Variants in CACNA1C observed in about 807,000 individuals in gnomAD.
CACNA1C encodes voltage-dependent L-type calcium channel subunit alpha-1C.
In CACNA1C, 30 loss-of-function variants were observed where a neutral mutation model predicts 229.0. The ratio of observed to expected loss-of-function variants is 0.13; its 90% CI spans 0.10 to 0.18. The LOEUF (loss-of-function observed/expected upper bound fraction) is 0.18. Ranked by LOEUF, CACNA1C falls within the 10% of genes least tolerant of loss-of-function variation. CACNA1C has a pLI of 1.00. For synonymous variants in CACNA1C, 1,114 were observed against 1,132.5 expected, an observed-to-expected ratio of 0.98 and a Z score of 0.33; for missense variants, 1,658 against 2,845.0, an observed-to-expected ratio of 0.58 and a Z score of 9.49.
chr12:2,318,961 A>C (rs1354599265), intron 3 of CACNA1C, among the ~76,000 whole-genome samples: 1 of 151,658 alleles, frequency 6.6e-6, no homozygotes, highest in East Asian at 1.9e-4. Context: ...AGGGAGGCCT[A>C]CTCCTCTAAA....
At chr12:2,582,164 A>G (rs2060752964) in intron 14 of CACNA1C, among the ~76,000 whole-genome samples, 1 of 151,960 alleles carries the variant, frequency 6.6e-6, no homozygotes, top group African/African-American at 2.4e-5. Flanking sequence ...AATCGTTCTT[A>G]TCCATGGAAT....
chr12:1,990,392 C>A (rs922523368), intron 1 of CACNA1C, among the ~76,000 whole-genome samples: 9 of 152,308 alleles, frequency 5.9e-5, no homozygotes, highest in Middle Eastern at 3.4e-3. Context: ...AATGTATAAA[C>A]CCTTTTCTGT....
At chr12:2,052,340 T>A (rs2052439884), upstream of CACNA1C, among the ~76,000 whole-genome samples, 2 of 152,006 alleles carry the variant, frequency 1.3e-5, no homozygotes, top group Admixed American at 6.5e-5. Context: ...ATCTGTCACT[T>A]CTACAACCGC....
chr12:2,112,620 C>T (rs751255537), intron 1 of CACNA1C, among the ~76,000 whole-genome samples: 3 of 152,006 alleles, frequency 2.0e-5, no homozygotes, highest in African/African-American at 4.8e-5. Flanking sequence ...GCTACAGGGG[C>T]CAGATGGCGG....
At chr12:2,380,705 A>G (rs2098218438) in intron 3 of CACNA1C, among the ~76,000 whole-genome samples, 1 of 152,236 alleles carries the variant, frequency 6.6e-6, no homozygotes, top group South Asian at 2.1e-4. Context: ...CCAGTGAGCA[A>G]TGTTAGAATT....
rs77421012 is a variant in CACNA1C at position 2,075,009 on chromosome 12, C to T, written c.49+21398C>T. Among the ~76,000 whole-genome samples, 4 of 152,190 alleles carry T rather than the reference C, an allele frequency of 2.6e-5. No homozygotes were observed. In the East Asian group the frequency reaches 5.8e-4, roughly 22 times the overall value. On this transcript the variant is annotated intron_variant, in intron 1 of 46. Coordinates refer to ENST00000399655, the MANE Select transcript of CACNA1C (RefSeq NM_000719.7). ...GCTGTGGAGGGAGCTCCAGTGGAGACGTCCAAGGGATGTAGGGCCATTTAC... is the reference window on the plus strand; with the variant it reads ...GCTGTGGAGGGAGCTCCAGTGGAGATGTCCAAGGGATGTAGGGCCATTTAC...
At chr12:2,367,737 G>A (rs2097761035) in intron 3 of CACNA1C, among the ~76,000 whole-genome samples, 1 of 151,946 alleles carries the variant, frequency 6.6e-6, no homozygotes, top group African/African-American at 2.4e-5. Flanking sequence ...AAATTAATAA[G>A]GAAACATAAT....
intron 38 of CACNA1C, among the ~76,000 whole-genome samples, chr12:2,672,384 A>C (rs548323301): frequency 1.3e-5 from 2 of 152,358 alleles, no homozygotes; most frequent in South Asian, 4.1e-4. Flanking sequence ...TTTGGAAACT[A>C]TGTTAATTTC....
chr12:2,514,298 A>C (rs113491996), intron 9 of CACNA1C, among the ~76,000 whole-genome samples: 1 of 152,228 alleles, frequency 6.6e-6, no homozygotes, highest in African/African-American at 2.4e-5. Context: ...GCTTTAATAA[A>C]TCTATCAACT....
At chr12:2,018,174 C>CGTTT (rs2045736834) in intron 1 of CACNA1C, 1 of 152,148 alleles carries the variant, frequency 6.6e-6, no homozygotes, top group Non-Finnish European at 1.5e-5. Flanking sequence ...TCCACGTAAA[C>CGTTT]ACTGCTGCGA....
At chr12:2,468,480 A>T (rs2099571953) in intron 5 of CACNA1C, among the ~76,000 whole-genome samples, 2 of 151,778 alleles carry the variant, frequency 1.3e-5, no homozygotes, top group Non-Finnish European at 2.9e-5. Flanking sequence ...ATTTAGAGAT[A>T]GGCAAATCCA....
intron 1 of CACNA1C, among the ~76,000 whole-genome samples, chr12:2,104,702 A>T (rs529909573): frequency 1.6e-4 from 25 of 152,292 alleles, no homozygotes; most frequent in African/African-American, 6.0e-4. Flanking sequence ...CTCTGCTGCC[A>T]CACTAAAAAA....
At chr12:2,526,974 C>T (rs1239428979) in intron 9 of CACNA1C, among the ~76,000 whole-genome samples, 1 of 152,144 alleles carries the variant, frequency 6.6e-6, no homozygotes, top group Non-Finnish European at 1.5e-5. Context: ...TAAATAGATA[C>T]ATTTGAATTT....
intron 21 of CACNA1C, among the ~76,000 whole-genome samples, chr12:2,600,436 C>A (rs2071365938): frequency 6.6e-6 from 1 of 152,224 alleles, no homozygotes; most frequent in African/African-American, 2.4e-5. Context: ...TGCGGACACT[C>A]TGCCCTGGGC....
In CACNA1C at chr12:2,053,207, C is replaced by G. The variant is rs1258748124; in HGVS notation, c.-356C>G. The G allele has an allele frequency of 9.9e-7, 1 of 1,008,036 alleles. No homozygotes were observed. The highest frequency in any genetic ancestry group is 1.2e-6 in the Non-Finnish European group (1 of 845,090). The allele number at this position is 1,008,036 out of a possible 1,614,324, so 62.4% of individuals were successfully genotyped here. ...CGGCCCAGGCGGGCCCCGCGCGCCC[C>G]CCGCCCCTCCTCTCCGCCTCTTCTC... On this transcript the variant is annotated 5_prime_UTR_variant, in exon 1 of 47. Coordinates refer to ENST00000399655, the MANE Select transcript of CACNA1C (RefSeq NM_000719.7). This position sits in a 1 kb window ranked among gnomAD's most constrained non-coding sequence, Gnocchi z 5.8.
At chr12:2,492,997 G>A (rs565100344) in intron 6 of CACNA1C, among the ~76,000 whole-genome samples, 193 bp from the exon 7 acceptor site, 1 of 152,306 alleles carries the variant, frequency 6.6e-6, no homozygotes, top group South Asian at 2.1e-4. Flanking sequence ...AGCCTAAATG[G>A]AAAGCCTACT....
intron 45 of CACNA1C, 34 bp from the exon 46 acceptor site, chr12:2,688,413 C>T (rs1447658390): frequency 6.2e-7 from 1 of 1,606,270 alleles, no homozygotes; most frequent in Non-Finnish European, 8.5e-7. Flanking sequence ...GGGTCGGCCA[C>T]TCCTATTAAC....
Position 2,601,774 on chromosome 12 carries a change from G to A in CACNA1C, c.2854-80G>A. ...TTGGGACTTGCCCAAGGGATGCTGTGGGAGGAAGGGGTGGTGTGAGGGGTC... is the reference window on the plus strand; with the variant it reads ...TTGGGACTTGCCCAAGGGATGCTGTAGGAGGAAGGGGTGGTGTGAGGGGTC... On this transcript the variant is annotated intron_variant, in intron 21 of 46. Coordinates refer to ENST00000399655, the MANE Select transcript of CACNA1C (RefSeq NM_000719.7). This position sits in a 1 kb window ranked among gnomAD's most constrained non-coding sequence, Gnocchi z 5.9. The A allele has an allele frequency of 1.1e-6, 1 of 871,306 alleles. No individual in the cohort carries two copies. 54.0% of individuals were successfully genotyped at this position (871,306 alleles called of 1,614,324 possible).
chr12:2,339,239 C>T (rs142266894), intron 3 of CACNA1C, among the ~76,000 whole-genome samples: 155 of 152,264 alleles, frequency 1.0e-3, no homozygotes, highest in African/African-American at 3.7e-3. Flanking sequence ...TAATACAATG[C>T]TAAACATATC....
Sources: gnomAD v4.1 joint callset for allele counts (sites outside exome capture counted in the v4.1 genomes callset) on GRCh38, gnomAD v4.1.1 for gene constraint, Gnocchi (gnomAD v3.1) non-coding constraint, MANE v1.5 for transcripts, NCBI Gene and HGNC (gene_info 2026-07-23, HGNC 2026-07-21) for gene names.